Variants in KLHL29 observed in about 807,000 individuals in gnomAD.
KLHL29 encodes the protein kelch like family member 29, also known as kelch-like protein 29.
A neutral mutation model predicts 80.4 loss-of-function variants in KLHL29; 21 were observed. The observed-to-expected ratio is 0.26, with a 90% confidence interval of 0.19 to 0.38. KLHL29 has a LOEUF of 0.38. KLHL29 is among the 10% of genes least tolerant of loss of function. The probability of loss-of-function intolerance (pLI) is 1.00; values close to 1 mark genes in which losing one functional copy is unlikely to be tolerated. For missense variants in KLHL29, 867 were observed against 1,223.9 expected (o/e 0.71, Z 4.35); for synonymous variants, 511 against 526.8 (o/e 0.97, Z 0.41).
At position 23,681,977 on chromosome 2, in the gene KLHL29, G is replaced by T. The variant is rs554852720; in HGVS notation, c.941-2422G>T. 9.9e-5 allele frequency among the ~76,000 whole-genome samples: 15 copies of T among 152,066 alleles called. No individual in the cohort carries two copies. Among genetic ancestry groups the T allele is most frequent in the Non-Finnish European group, 1.8e-4 (12 of 68,004 alleles). The stretch of plus-strand genomic sequence containing the variant: ...GCTCTCTACCTTGTCTCTAGCCCAG[G>T]CCTCTATCCACCGCCTCCTACCCCA... On this transcript the variant is annotated intron_variant, in intron 5 of 13. Coordinates refer to ENST00000486442, the MANE Select transcript of KLHL29 (RefSeq NM_052920.2). This position sits in a 1 kb window ranked among gnomAD's most constrained non-coding sequence, Gnocchi z 4.2.
intron 4 of KLHL29, 94 bp from the exon 5 acceptor site, chr2:23,642,244 T>C: frequency 8.4e-7 from 1 of 1,196,044 alleles, no homozygotes; most frequent in Non-Finnish European, 1.1e-6. Flanking sequence ...CGTTCCCCTC[T>C]GTGACCTAGC....
At chr2:23,601,989 A>G (rs1668582766) in intron 3 of KLHL29, among the ~76,000 whole-genome samples, 1 of 152,096 alleles carries the variant, frequency 6.6e-6, no homozygotes, top group Non-Finnish European at 1.5e-5. Flanking sequence ...AGGACAATTG[A>G]CGGGGGCTGA....
chr2:23,524,776 C>G (rs1195811223), intron 2 of KLHL29, among the ~76,000 whole-genome samples: 1 of 152,236 alleles, frequency 6.6e-6, no homozygotes. Context: ...TCATGGTGAG[C>G]AGAACACATT....
chr2:23,660,852 C>T (rs1272535008), intron 5 of KLHL29, among the ~76,000 whole-genome samples: 1 of 151,894 alleles, frequency 6.6e-6, no homozygotes, highest in Non-Finnish European at 1.5e-5. Context: ...ATGGTGAAAC[C>T]CCATCTCTAC....
intron 3 of KLHL29, among the ~76,000 whole-genome samples, chr2:23,605,865 G>A (rs1046384154): frequency 6.6e-6 from 1 of 151,892 alleles, no homozygotes; most frequent in African/African-American, 2.4e-5. Context: ...TGCCTCCTGG[G>A]TTCAAGTGAT....
At chr2:23,566,602 G>A (rs1379191186) in intron 3 of KLHL29, among the ~76,000 whole-genome samples, 1 of 152,220 alleles carries the variant, frequency 6.6e-6, no homozygotes, top group Non-Finnish European at 1.5e-5. Context: ...TAAGCCAAAG[G>A]TTATGTCAAC....
chr2:23,565,164 A>T (rs953301324), intron 3 of KLHL29, among the ~76,000 whole-genome samples: 1 of 152,158 alleles, frequency 6.6e-6, no homozygotes, highest in Non-Finnish European at 1.5e-5. Flanking sequence ...CACCGCTGTC[A>T]CTGTCATCCA....
intron 11 of KLHL29, among the ~76,000 whole-genome samples, chr2:23,698,204 C>T (rs1558448193): frequency 3.3e-5 from 5 of 152,142 alleles, no homozygotes; most frequent in Admixed American, 2.6e-4. Flanking sequence ...GAGACCACCC[C>T]GGGAACCCCA....
intron 3 of KLHL29, among the ~76,000 whole-genome samples, chr2:23,581,090 AT>A (rs67225433): frequency 0.23 from 34,391 of 150,790 alleles, 5,966 homozygotes; most frequent in African/African-American, 0.46. Context: ...CTGGAGGCTT[AT>A]TTTTTTTTTA....
At chr2:23,631,574 C>A (rs1177312242) in intron 3 of KLHL29, among the ~76,000 whole-genome samples, 1 of 152,178 alleles carries the variant, frequency 6.6e-6, no homozygotes, top group Non-Finnish European at 1.5e-5. Flanking sequence ...GGCCAGGGGG[C>A]CAGAGAGGGC....
At chr2:23,601,992 GGGGCTGAGGCA>G (rs1668583096) in intron 3 of KLHL29, among the ~76,000 whole-genome samples, 1 of 152,182 alleles carries the variant, frequency 6.6e-6, no homozygotes, top group South Asian at 2.1e-4. Context: ...ACAATTGACG[GGGGCTGAGGCA>G]GGGCAGAGGG....
intron 3 of KLHL29, among the ~76,000 whole-genome samples, chr2:23,610,975 C>T (rs1428610540): frequency 6.6e-6 from 1 of 152,030 alleles, no homozygotes; most frequent in Non-Finnish European, 1.5e-5. Flanking sequence ...CCACATGGAG[C>T]TTACCTTCAA....
At chr2:23,661,357 C>A (rs1038901061) in intron 5 of KLHL29, among the ~76,000 whole-genome samples, 19 of 113,204 alleles carry the variant, frequency 1.7e-4, no homozygotes, top group African/African-American at 4.0e-4. Context: ...AAAAAAAAAA[C>A]CATGAAAAAT....
chr2:23,699,913 A>T (rs1672260437), intron 11 of KLHL29, among the ~76,000 whole-genome samples: 1 of 152,006 alleles, frequency 6.6e-6, no homozygotes, highest in Admixed American at 6.6e-5. Context: ...AGACTCCCCC[A>T]CTACTTTGGT....
At chr2:23,523,581 G>A (rs1335836754) in intron 2 of KLHL29, among the ~76,000 whole-genome samples, 6 of 152,060 alleles carry the variant, frequency 3.9e-5, no homozygotes, top group Non-Finnish European at 5.9e-5. Flanking sequence ...TTTTTTCCTC[G>A]CCTTGGCTTC....
chr2:23,597,468 G>A (rs1572427271), intron 3 of KLHL29, among the ~76,000 whole-genome samples: 1 of 129,856 alleles, frequency 7.7e-6, no homozygotes, highest in East Asian at 2.5e-4. Context: ...CTGTCACCCA[G>A]GCTGGAGTGC....
At chr2:23,401,209 G>A (rs549322121) in intron 1 of KLHL29, among the ~76,000 whole-genome samples, 5 of 152,330 alleles carry the variant, frequency 3.3e-5, no homozygotes, top group African/African-American at 1.2e-4. Context: ...TGTGGAGACA[G>A]GACAGACTGA....
At chr2:23,633,246 T>G (rs1400255632) in intron 3 of KLHL29, among the ~76,000 whole-genome samples, 2 of 152,148 alleles carry the variant, frequency 1.3e-5, no homozygotes, top group African/African-American at 2.4e-5. Flanking sequence ...CCAAGGCCAC[T>G]TCACACCCAC....
At chr2:23,421,821 T>C (rs1662819581) in intron 1 of KLHL29, among the ~76,000 whole-genome samples, 1 of 151,864 alleles carries the variant, frequency 6.6e-6, no homozygotes, top group Non-Finnish European at 1.5e-5. Flanking sequence ...TCTGTGTGTA[T>C]GTACATCTCT....
Sources: gnomAD v4.1 joint callset for allele counts (sites outside exome capture counted in the v4.1 genomes callset) on GRCh38, gnomAD v4.1.1 for gene constraint, Gnocchi (gnomAD v3.1) non-coding constraint, MANE v1.5 for transcripts, NCBI Gene and HGNC (gene_info 2026-07-23, HGNC 2026-07-21) for gene names.